The following EIF4ENIF1 variants were observed in gnomAD, a reference collection of about 807,000 sequenced individuals.
EIF4ENIF1 encodes the protein eukaryotic translation initiation factor 4E nuclear import factor 1.
In EIF4ENIF1, 23 loss-of-function variants were observed where a neutral mutation model predicts 110.5. That is an observed-to-expected ratio of 0.21 (90% confidence interval 0.15 to 0.29). The LOEUF is 0.29. Ranked by LOEUF, EIF4ENIF1 falls within the 10% of genes least tolerant of loss-of-function variation. The pLI is 1.00. For synonymous variants in EIF4ENIF1, 440 were observed against 437.0 expected, an observed-to-expected ratio of 1.01 and a Z score of -0.09; for missense variants, 1,031 against 1,221.1, an observed-to-expected ratio of 0.84 and a Z score of 2.32.
In EIF4ENIF1 at chr22:31,449,118, C is replaced by T. The variant is rs527321539; in HGVS notation, c.1768+230G>A. Reference sequence around the variant, plus strand: ...CTCCGCCTCTCAGATTCAAGCGATTCTCCTGTCTCAGCCTCCTGCGTAGCT... The same window carrying T: ...CTCCGCCTCTCAGATTCAAGCGATTTTCCTGTCTCAGCCTCCTGCGTAGCT... On this transcript the variant is annotated intron_variant, in intron 12 of 18. Transcript: ENST00000330125. Among the ~76,000 whole-genome samples, 56 of 152,174 alleles carry T rather than the reference C, an allele frequency of 3.7e-4. 1 individual carries two copies. Among genetic ancestry groups the T allele is most frequent in the Admixed American group, 1.2e-3 (18 of 15,272 alleles).
At chr22:31,458,786 T>C (rs1019112505) in intron 6 of EIF4ENIF1, 136 bp from the exon 7 acceptor site, 3 of 713,922 alleles carry the variant, frequency 4.2e-6, no homozygotes, top group African/African-American at 1.8e-5. Flanking sequence ...GGTACTGTAC[T>C]TGCAAGAATA....
chr22:31,462,253 C>T (rs998721958), intron 6 of EIF4ENIF1, among the ~76,000 whole-genome samples: 4 of 151,986 alleles, frequency 2.6e-5, no homozygotes, highest in South Asian at 2.1e-4. Context: ...GATGCCGAGG[C>T]GGGTGATCAC....
intron 2 of EIF4ENIF1, among the ~76,000 whole-genome samples, chr22:31,480,120 A>C (rs1469800507): frequency 1.3e-5 from 2 of 152,180 alleles, no homozygotes; most frequent in African/African-American, 4.8e-5. Flanking sequence ...TGCACAGGTT[A>C]CTAAAACCTG....
chr22:31,469,842 G>A (rs977416420), intron 3 of EIF4ENIF1, among the ~76,000 whole-genome samples: 5 of 152,108 alleles, frequency 3.3e-5, no homozygotes, highest in African/African-American at 1.2e-4. Flanking sequence ...ACAGGCAGGT[G>A]CCACCATGCC....
chr22:31,468,693 C>G (rs933829494), intron 3 of EIF4ENIF1, among the ~76,000 whole-genome samples: 1 of 152,158 alleles, frequency 6.6e-6, no homozygotes, highest in African/African-American at 2.4e-5. Flanking sequence ...CTACGCCCAG[C>G]CAGAAACCCA....
Position 31,444,810 on chromosome 22 carries a change from T to C in EIF4ENIF1, c.1989-120A>G, listed in dbSNP as rs547546640. ...ATCCCCTTTCCCTTATCCAATTCAA[T>C]TTCCCAAGCATTTAGGCCTAACATA... On this transcript the variant is annotated intron_variant, in intron 14 of 18. Transcript: ENST00000330125. 81 of 931,226 alleles carry C rather than the reference T, an allele frequency of 8.7e-5. No individual in the cohort carries two copies. In the African/African-American group the frequency reaches 1.2e-3, roughly 14 times the overall value. The allele number at this position is 931,226 out of a possible 1,614,324, so 57.7% of individuals were successfully genotyped here.
intron 5 of EIF4ENIF1, 25 bp from the exon 6 acceptor site, chr22:31,463,158 TA>T (rs2051053478): frequency 1.2e-6 from 2 of 1,605,236 alleles, no homozygotes. Context: ...AAAGCAAGAT[TA>T]AAAAATTTCT....
At chr22:31,466,113 T>C (rs1222646540) in intron 4 of EIF4ENIF1, among the ~76,000 whole-genome samples, 2 of 151,940 alleles carry the variant, frequency 1.3e-5, no homozygotes, top group Non-Finnish European at 2.9e-5. Flanking sequence ...TTGTCTCTAC[T>C]AAAAATACAA....
In EIF4ENIF1 at chr22:31,442,951, C is replaced by A; in HGVS notation, c.2206+11G>T. Reference sequence around the variant, plus strand: ...CTTTCTTGAGCAGTGCCCTTAACAGCTCTGCAGTACCTTCACTGGCCTTCT... The same window carrying A: ...CTTTCTTGAGCAGTGCCCTTAACAGATCTGCAGTACCTTCACTGGCCTTCT... On this transcript the variant is annotated intron_variant, in intron 16 of 18. Transcript: ENST00000330125. 3.7e-6 allele frequency: 6 copies of A among 1,613,606 alleles called. No individual in the cohort carries two copies. Among genetic ancestry groups the A allele is most frequent in the Non-Finnish European group, 5.1e-6 (6 of 1,179,776 alleles).
rs116944889 is a variant in EIF4ENIF1 at position 31,474,736 on chromosome 22, C to T, written c.97-2819G>A. 8.2e-4 allele frequency among the ~76,000 whole-genome samples: 125 copies of T among 152,164 alleles called. 1 individual carries two copies. The highest frequency in any genetic ancestry group is 6.8e-3 in the Middle Eastern group (2 of 294). ...ACATGCACACTAACACACATATCTA[C>T]CCATATATACAACAAACTACTGCCT... is the stretch of plus-strand genomic sequence containing the variant. On this transcript the variant is annotated intron_variant, in intron 2 of 18. Transcript: ENST00000330125.
chr22:31,459,094 A>C (rs1023285367), intron 6 of EIF4ENIF1, among the ~76,000 whole-genome samples: 1 of 151,652 alleles, frequency 6.6e-6, no homozygotes, highest in Admixed American at 6.6e-5. Context: ...TGCCTGGATA[A>C]TTTTTTAATT....
chr22:31,477,524 C>G (rs1253579404), intron 2 of EIF4ENIF1, among the ~76,000 whole-genome samples: 1 of 152,168 alleles, frequency 6.6e-6, no homozygotes, highest in Admixed American at 6.6e-5. Flanking sequence ...ACAAAATTCT[C>G]ATTTTCACTT....
downstream of EIF4ENIF1, among the ~76,000 whole-genome samples, chr22:31,438,273 A>C (rs568873122): frequency 6.6e-6 from 1 of 152,328 alleles, no homozygotes; most frequent in African/African-American, 2.4e-5. Flanking sequence ...AAAAACCTCC[A>C]GTTAGGAAAG....
chr22:31,443,155 C>T lies in EIF4ENIF1; in HGVS notation c.2074-61G>A, dbSNP rs1221974927. On this transcript the variant is annotated intron_variant, in intron 15 of 18. Transcript: ENST00000330125. ...TAAGTGCCGTTCTCTAATACTAAGC[C>T]AGGATTAACTTGTCAAGATACTCAA... The T allele has an allele frequency of 3.8e-6, 6 of 1,589,392 alleles. No homozygotes were observed. The African/African-American group carries it at 6.7e-5, about 18-fold the overall frequency.
intron 2 of EIF4ENIF1, among the ~76,000 whole-genome samples, chr22:31,476,708 C>T (rs950199190): frequency 1.3e-5 from 2 of 151,574 alleles, no homozygotes; most frequent in Non-Finnish European, 2.9e-5. Flanking sequence ...CAGCCTGGCA[C>T]GCCTGTAATC....
At chr22:31,440,146 T>A in intron 18 of EIF4ENIF1, 25 bp from the exon 19 acceptor site, 1 of 1,614,012 alleles carries the variant, frequency 6.2e-7, no homozygotes, top group Non-Finnish European at 8.5e-7. Flanking sequence ...AGGGTTATCA[T>A]TCACAGCATG....
chr22:31,448,128 T>A (rs1569069324), intron 13 of EIF4ENIF1, 25 bp downstream of exon 13: 1 of 1,612,622 alleles, frequency 6.2e-7, no homozygotes, highest in East Asian at 2.2e-5. Flanking sequence ...AGCAAGAGAT[T>A]GAGTTTGAGA....
At position 31,439,758 on chromosome 22, in the gene EIF4ENIF1, C is replaced by G; in HGVS notation, c.*122G>C. ...GCGGACCACACCAGATGCATGGGTTCCACCAAACAGCTTCACACAGAGTGC... is the reference window on the plus strand; with the variant it reads ...GCGGACCACACCAGATGCATGGGTTGCACCAAACAGCTTCACACAGAGTGC... On this transcript the variant is annotated 3_prime_UTR_variant, in exon 19 of 19. Coordinates refer to ENST00000330125, the MANE Select transcript of EIF4ENIF1 (RefSeq NM_019843.4). The G allele has an allele frequency of 1.4e-6, 2 of 1,406,656 alleles. No homozygotes were observed. The highest frequency in any genetic ancestry group is 1.9e-6 in the Non-Finnish European group (2 of 1,054,530). The allele number at this position is 1,406,656 out of a possible 1,614,324, so 87.1% of individuals were successfully genotyped here.
intron 7 of EIF4ENIF1, among the ~76,000 whole-genome samples, chr22:31,458,001 AG>A: frequency 6.6e-6 from 1 of 152,282 alleles, no homozygotes; most frequent in Middle Eastern, 3.4e-3. Context: ...AGACCAAGAC[AG>A]GAGGATCACA....
Sources: allele counts gnomAD v4.1 joint callset (sites outside exome capture counted in the v4.1 genomes callset), GRCh38; gene constraint gnomAD v4.1.1; transcripts MANE v1.5; gene names NCBI Gene and HGNC (gene_info 2026-07-23, HGNC 2026-07-21).